Variants in CTSC observed in about 807,000 individuals in gnomAD.
CTSC encodes the protein dipeptidyl peptidase 1.
Under a neutral mutation model 40.9 loss-of-function variants are expected in CTSC, and 37 were observed. The observed-to-expected ratio is 0.91, with a 90% CI of 0.70 to 1.19. The LOEUF is 1.19. CTSC is among the 50% of genes most tolerant of loss of function. The pLI is 0.00. For synonymous variants in CTSC, 232 were observed against 207.4 expected, an observed-to-expected ratio of 1.12 and a Z score of -1.02; for missense variants, 594 against 567.3, an observed-to-expected ratio of 1.05 and a Z score of -0.48.
At chr11:88,314,292 C>A (rs1591231168) in intron 2 of CTSC, among the ~76,000 whole-genome samples, 2 of 152,150 alleles carry the variant, frequency 1.3e-5, no homozygotes, top group East Asian at 3.8e-4. Flanking sequence ...AGTTTGCCAA[C>A]CCCCAGTTTA....
At chr11:88,307,001 G>C (rs1481036468) in intron 4 of CTSC, among the ~76,000 whole-genome samples, 5 of 152,216 alleles carry the variant, frequency 3.3e-5, no homozygotes, top group Non-Finnish European at 7.3e-5. Flanking sequence ...GGTAGGGCAA[G>C]GGCAACCAAA....
intron 2 of CTSC, chr11:88,325,893 G>C (rs1313435807): frequency 2.0e-6 from 2 of 988,482 alleles, no homozygotes; most frequent in Non-Finnish European, 2.4e-6. Context: ...AGATCCAAGG[G>C]CCTTATTTTC....
At position 88,294,359 on chromosome 11, in the gene CTSC, A is replaced by G; in HGVS notation, c.1039T>C (p.Tyr347His). 1 of 1,614,136 alleles carries G rather than the reference A, an allele frequency of 6.2e-7. No individual in the cohort carries two copies. The highest frequency in any genetic ancestry group is 1.3e-5 in the African/African-American group (1 of 75,030). Residue 347 changes from tyrosine to histidine, a missense_variant, in exon 7 of 7, where the codon TAT becomes CAT. Tyr to His is a moderately conservative substitution (Grantham distance 83). Coordinates refer to ENST00000227266, the MANE Select transcript of CTSC (RefSeq NM_001814.6). ...CAGCCTCCATAGAAACCTCCTACATAGTGGTACTCAGAGGAGTAATAACGA... is the reference window on the plus strand; with the variant it reads ...CAGCCTCCATAGAAACCTCCTACATGGTGGTACTCAGAGGAGTAATAACGA... Reference protein sequence around the residue: ...CFRYYSSEYHYVGGFYGGCNE... With the variant: ...CFRYYSSEYHHVGGFYGGCNE...
intron 6 of CTSC, 112 bp from the exon 7 acceptor site, chr11:88,294,620 C>A: frequency 8.1e-7 from 1 of 1,227,220 alleles, no homozygotes; most frequent in Non-Finnish European, 1.2e-6. Context: ...GAAAGTTGTT[C>A]TTAGCTTAAG....
Position 88,294,063 on chromosome 11 carries a change from A to T in CTSC, c.1335T>A (p.Thr445=), listed in dbSNP as rs759339799. The T allele has an allele frequency of 3.1e-6, 5 of 1,614,090 alleles. No homozygotes were observed. Among genetic ancestry groups the T allele is most frequent in the South Asian group, 1.1e-5 (1 of 91,078 alleles). The part of the protein sequence containing the change: ...ENGYFRIRRG[T]DECAIESIAV... ...CTATGCTCTCAATTGCACACTCATCAGTTCCTCTGCGGATCCGGAAGTAGC... is the reference window on the plus strand; with the variant it reads ...CTATGCTCTCAATTGCACACTCATCTGTTCCTCTGCGGATCCGGAAGTAGC... Residue 445 remains threonine, a synonymous_variant, in exon 7 of 7, where the codon ACT becomes ACA. Transcript: ENST00000227266.
At chr11:88,307,054 T>TA (rs1253589752) in intron 4 of CTSC, among the ~76,000 whole-genome samples, 2 of 152,174 alleles carry the variant, frequency 1.3e-5, no homozygotes, top group African/African-American at 4.8e-5. Flanking sequence ...GCGAGGGAGA[T>TA]AAGGGAACTC....
chr11:88,318,708 G>C (rs570929), intron 2 of CTSC, among the ~76,000 whole-genome samples: 77,719 of 151,592 alleles, frequency 0.51, 20,283 homozygotes, highest in Non-Finnish European at 0.57. Context: ...GATTTTGAGA[G>C]CAGCCTCACC....
At position 88,293,845 on chromosome 11, in the gene CTSC, G is replaced by T; in HGVS notation, c.*161C>A. ...AAAATGGCCAGTGGCCGATTGAAAGGTATATTAAAATTAAGGGCAGTTTTA... is the reference window on the plus strand; with the variant it reads ...AAAATGGCCAGTGGCCGATTGAAAGTTATATTAAAATTAAGGGCAGTTTTA... On this transcript the variant is annotated 3_prime_UTR_variant, in exon 7 of 7. Transcript: ENST00000227266. 1.2e-6 allele frequency: 1 copy of T among 842,504 alleles called. No homozygotes were observed. Among genetic ancestry groups the T allele is most frequent in the East Asian group, 2.6e-5 (1 of 37,804 alleles). 52.2% of individuals were successfully genotyped at this position (842,504 alleles called of 1,614,324 possible). A position where few individuals can be genotyped will look rare whatever the true frequency, so the allele number is the denominator to read the frequency against.
At chr11:88,306,904 T>C (rs1937645196) in intron 4 of CTSC, among the ~76,000 whole-genome samples, 1 of 152,134 alleles carries the variant, frequency 6.6e-6, no homozygotes, top group South Asian at 2.1e-4. Context: ...CATCCACTCC[T>C]AGACACTGCT....
At chr11:88,301,892 C>T (rs774968520) in intron 4 of CTSC, among the ~76,000 whole-genome samples, 28 of 151,850 alleles carry the variant, frequency 1.8e-4, no homozygotes, top group Non-Finnish European at 4.1e-4. Flanking sequence ...CCCAAGACTG[C>T]CAAATGGCCT....
chr11:88,302,574 C>T (rs1479159354), intron 4 of CTSC, among the ~76,000 whole-genome samples: 2 of 135,634 alleles, frequency 1.5e-5, no homozygotes, highest in African/African-American at 2.8e-5. Flanking sequence ...TGCAGTGAGC[C>T]GAGATTGCAC....
At chr11:88,321,647 GT>G (rs1938017144) in intron 2 of CTSC, 1 of 152,154 alleles carries the variant, frequency 6.6e-6, no homozygotes, top group Non-Finnish European at 1.5e-5. Flanking sequence ...ATTCCATGGT[GT>G]TTATGTTCCA....
chr11:88,318,862 T>C lies in CTSC; in HGVS notation c.319-6308A>G, dbSNP rs547227442. On this transcript the variant is annotated intron_variant, in intron 2 of 6. Coordinates refer to ENST00000227266, the MANE Select transcript of CTSC (RefSeq NM_001814.6). Reference sequence around the variant, plus strand: ...TGGAGATTGCAGTGAGCTGCAACCATGTGCCATTGCACCCCAGCCTTGGCA... The same window carrying C: ...TGGAGATTGCAGTGAGCTGCAACCACGTGCCATTGCACCCCAGCCTTGGCA... Among the ~76,000 whole-genome samples the C allele has an allele frequency of 3.5e-3, 538 of 152,286 alleles. 6 individuals carry two copies. The highest frequency in any genetic ancestry group is 0.013 in the African/African-American group (524 of 41,558).
Position 88,309,179 on chromosome 11 carries a change from T to G in CTSC, c.625A>C (p.Ser209Arg), listed in dbSNP as rs1216773092. ...GDMIRRSGGH[S>R]RKIPRPKPAP... is the part of the protein sequence containing the mutation. ...CTTGATTACCTTGGGATTTTTCGAC[T>G]GTGGCCACCACTTCTCCTAATCATA... Residue 209 changes from serine (S) to arginine (R), a missense_variant, in exon 4 of 7, where the codon AGT becomes CGT. Physicochemically the swap from Ser to Arg is moderately radical, Grantham distance 110. Coordinates refer to ENST00000227266, the MANE Select transcript of CTSC (RefSeq NM_001814.6). 8 of 1,613,988 alleles carry G rather than the reference T, an allele frequency of 5.0e-6. No individual in the cohort carries two copies. In the African/African-American group the frequency reaches 1.1e-4, roughly 22 times the overall value.
chr11:88,310,438 CAG>C (rs1937728264), intron 3 of CTSC, among the ~76,000 whole-genome samples: 1 of 150,962 alleles, frequency 6.6e-6, no homozygotes, highest in Admixed American at 6.6e-5. Context: ...TCTGTGGTTT[CAG>C]AGTGACTCAC....
intron 2 of CTSC, among the ~76,000 whole-genome samples, chr11:88,313,917 G>A (rs12273988): frequency 6.6e-6 from 1 of 152,198 alleles, no homozygotes; most frequent in African/African-American, 2.4e-5. Context: ...AGGCCACTTA[G>A]TTCTCTTGCA....
chr11:88,310,734 T>C (rs1037615394), intron 3 of CTSC, among the ~76,000 whole-genome samples: 2 of 152,234 alleles, frequency 1.3e-5, no homozygotes, highest in South Asian at 2.1e-4. Flanking sequence ...CTGTATCATA[T>C]GTATGACTAC....
At position 88,293,653 on chromosome 11, in the gene CTSC, T is replaced by C. The variant is rs1944265411; in HGVS notation, c.*353A>G. The C allele has an allele frequency of 4.0e-6, 1 of 247,806 alleles. No homozygotes were observed. Among genetic ancestry groups the C allele is most frequent in the Non-Finnish European group, 7.9e-6 (1 of 126,576 alleles). The allele number at this position is 247,806 out of a possible 1,614,324, so 15.4% of individuals were successfully genotyped here. A position where few individuals can be genotyped will look rare whatever the true frequency, so the allele number is the denominator to read the frequency against. ...GCATCTATTTTAAAAGTTTTGATAA[T>C]TATTGCCATTATTTTCTTGTGATTG... On this transcript the variant is annotated 3_prime_UTR_variant, in exon 7 of 7. Transcript: ENST00000227266.
intron 4 of CTSC, 58 bp downstream of exon 4, chr11:88,309,105 G>T: frequency 6.7e-7 from 1 of 1,490,632 alleles, no homozygotes; most frequent in East Asian, 2.3e-5. Flanking sequence ...CTGCTTAGGA[G>T]GGAGGATGGT....
Sources: allele counts gnomAD v4.1 joint callset (sites outside exome capture counted in the v4.1 genomes callset), GRCh38; gene constraint gnomAD v4.1.1; transcripts MANE v1.5; gene names NCBI Gene and HGNC (gene_info 2026-07-23, HGNC 2026-07-21).